The following PCCA variants were observed in gnomAD, a reference collection of about 807,000 sequenced individuals.
PCCA encodes the protein propionyl-CoA carboxylase alpha chain, mitochondrial.
In PCCA, 74 loss-of-function variants were observed where a neutral mutation model predicts 101.3. That is an observed-to-expected ratio of 0.73 (90% CI 0.61 to 0.89). PCCA has a LOEUF of 0.89. Among genes scored for constraint, PCCA ranks in the 40% least tolerant of loss-of-function variants. The pLI, the probability that PCCA is intolerant of heterozygous loss-of-function variation, is 0.00. For synonymous variants in PCCA, 294 were observed against 313.6 expected, an observed-to-expected ratio of 0.94 and a Z score of 0.66; for missense variants, 891 against 907.0, an observed-to-expected ratio of 0.98 and a Z score of 0.23.
intron 6 of PCCA, among the ~76,000 whole-genome samples, chr13:100,193,946 A>T (rs913829700): frequency 6.6e-6 from 1 of 151,948 alleles, no homozygotes; most frequent in Non-Finnish European, 1.5e-5. Flanking sequence ...TAGCGGGCTC[A>T]TGTAGTCCCA....
intron 19 of PCCA, among the ~76,000 whole-genome samples, chr13:100,393,417 CTTTTT>C (rs11459500): frequency 8.8e-6 from 1 of 113,694 alleles, no homozygotes. Context: ...ACTGAAGAGT[CTTTTT>C]TTTTTTTTTT....
At chr13:100,380,651 A>T (rs1336620245) in intron 19 of PCCA, among the ~76,000 whole-genome samples, 1 of 152,354 alleles carries the variant, frequency 6.6e-6, no homozygotes, top group East Asian at 1.9e-4. Flanking sequence ...TGAAGTAGAA[A>T]CCCTACCTCA....
intron 21 of PCCA, among the ~76,000 whole-genome samples, chr13:100,471,190 G>A (rs2082981003): frequency 6.6e-6 from 1 of 152,190 alleles, no homozygotes; most frequent in Admixed American, 6.5e-5. Context: ...GGCCCAAGGA[G>A]AGGGAGAGAG....
intron 22 of PCCA, among the ~76,000 whole-genome samples, chr13:100,521,237 C>T (rs778075689): frequency 6.6e-6 from 1 of 152,248 alleles, no homozygotes; most frequent in African/African-American, 2.4e-5. Context: ...TTACCCTTAG[C>T]CCCTTGGGTG....
At chr13:100,466,855 C>T (rs2082560142) in intron 21 of PCCA, among the ~76,000 whole-genome samples, 1 of 145,732 alleles carries the variant, frequency 6.9e-6, no homozygotes, top group Admixed American at 6.7e-5. Flanking sequence ...GACAGTCCGT[C>T]TCAAAAAACA....
intron 19 of PCCA, among the ~76,000 whole-genome samples, chr13:100,384,045 G>C (rs1212893678): frequency 2.8e-5 from 3 of 105,912 alleles, no homozygotes; most frequent in African/African-American, 1.1e-4. Context: ...TTTTTTTTTT[G>C]AGACAGAGCT....
intron 21 of PCCA, among the ~76,000 whole-genome samples, chr13:100,499,862 C>T (rs2085544506): frequency 6.6e-6 from 1 of 151,860 alleles, no homozygotes; most frequent in South Asian, 2.1e-4. Flanking sequence ...TTCTAATTCA[C>T]AGGTTGCTTG....
intron 12 of PCCA, among the ~76,000 whole-genome samples, chr13:100,286,663 T>A (rs184294817): frequency 1.3e-5 from 2 of 152,314 alleles, no homozygotes; most frequent in African/African-American, 4.8e-5. Context: ...TTTTTTAATG[T>A]GTCTTGGCTT....
intron 6 of PCCA, among the ~76,000 whole-genome samples, chr13:100,173,498 T>A (rs564365428): frequency 6.6e-6 from 1 of 152,284 alleles, no homozygotes; most frequent in Non-Finnish European, 1.5e-5. Flanking sequence ...AGCAACTTGG[T>A]AATGGAGAAA....
At chr13:100,262,607 TTG>T in intron 9 of PCCA, 120 bp from the exon 10 acceptor site, 1 of 684,856 alleles carries the variant, frequency 1.5e-6, no homozygotes, top group Non-Finnish European at 2.6e-6. Flanking sequence ...ATTTAATCGA[TTG>T]TGTTTTCTTT....
intron 1 of PCCA, among the ~76,000 whole-genome samples, chr13:100,091,925 C>CT (rs1193538555): frequency 2.0e-5 from 3 of 151,656 alleles, no homozygotes; most frequent in Admixed American, 2.0e-4. Flanking sequence ...TTTTTCTTTG[C>CT]TTTTCTTTTT....
rs1471364217 is a variant in PCCA at position 100,262,919 on chromosome 13, G to T, written c.819+88G>T. The T allele has an allele frequency of 5.6e-6, 4 of 708,180 alleles. No individual in the cohort carries two copies. In the East Asian group the frequency reaches 1.1e-4, roughly 19 times the overall value. 43.9% of individuals were successfully genotyped at this position (708,180 alleles called of 1,614,324 possible). A position where few individuals can be genotyped will look rare whatever the true frequency, so the allele number is the denominator to read the frequency against. ...AATTATCTTTTCTTCCATTTAGAAT[G>T]ATTGTGAGTTGTGCCTTTAGAATCT... On this transcript the variant is annotated intron_variant, in intron 10 of 23. Transcript: ENST00000376285.
intron 7 of PCCA, among the ~76,000 whole-genome samples, chr13:100,211,035 T>C (rs2059181227): frequency 6.6e-6 from 1 of 152,210 alleles, no homozygotes; most frequent in African/African-American, 2.4e-5. Context: ...GATTATCTTT[T>C]CTCTCTTCTG....
At chr13:100,528,396 G>A (rs1028137923) in intron 23 of PCCA, among the ~76,000 whole-genome samples, 1 of 152,234 alleles carries the variant, frequency 6.6e-6, no homozygotes, top group Admixed American at 6.5e-5. Flanking sequence ...GTTGTGGTTT[G>A]GAAGTGTCTG....
At chr13:100,277,608 G>A (rs564175155) in intron 12 of PCCA, among the ~76,000 whole-genome samples, 10 of 152,238 alleles carry the variant, frequency 6.6e-5, no homozygotes, top group Middle Eastern at 3.4e-3. Flanking sequence ...AGCAGTGAGC[G>A]GGCAGTGGAA....
At chr13:100,507,692 T>C (rs1363944886) in intron 21 of PCCA, among the ~76,000 whole-genome samples, 1 of 152,218 alleles carries the variant, frequency 6.6e-6, no homozygotes. Flanking sequence ...AGTCTCGCAC[T>C]GTGGCCTGGG....
chr13:100,234,890 C>G (rs1392350352), intron 7 of PCCA, among the ~76,000 whole-genome samples: 2 of 143,066 alleles, frequency 1.4e-5, no homozygotes, highest in Non-Finnish European at 3.0e-5. Context: ...CTGAATTACA[C>G]AAACACACAC....
In PCCA at chr13:100,117,838, C is replaced by T. The variant is rs180919876; in HGVS notation, c.300+5777C>T. 4.0e-5 allele frequency among the ~76,000 whole-genome samples: 6 copies of T among 151,896 alleles called. No individual in the cohort carries two copies. In the East Asian group the frequency reaches 7.7e-4, roughly 20 times the overall value. ...ACAGGAAAAAGAAAAAAAAAGAGGC[C>T]GGGCGTAGTGGCTCACGCCTGTAAT... On this transcript the variant is annotated intron_variant, in intron 4 of 23. Coordinates refer to ENST00000376285, the MANE Select transcript of PCCA (RefSeq NM_000282.4).
intron 18 of PCCA, among the ~76,000 whole-genome samples, chr13:100,346,016 T>C (rs2072156754): frequency 6.6e-6 from 1 of 152,140 alleles, no homozygotes; most frequent in Non-Finnish European, 1.5e-5. Flanking sequence ...TGATTGCTGC[T>C]CATTGACAGT....
Sources: gnomAD v4.1 joint callset for allele counts (sites outside exome capture counted in the v4.1 genomes callset) on GRCh38, gnomAD v4.1.1 for gene constraint, MANE v1.5 for transcripts, NCBI Gene and HGNC (gene_info 2026-07-23, HGNC 2026-07-21) for gene names.